BMPR1B: variants seen among roughly 807,000 people sequenced by gnomAD.
BMPR1B encodes bone morphogenetic protein receptor type 1B.
In BMPR1B, 12 loss-of-function variants were observed where a neutral mutation model predicts 59.1. The ratio of observed to expected loss-of-function variants is 0.20; its 90% CI spans 0.13 to 0.33. BMPR1B has a LOEUF of 0.33. BMPR1B is among the 10% of genes least tolerant of loss of function. The pLI is 1.00. For missense variants in BMPR1B, 550 were observed against 610.9 expected (o/e 0.90, Z 1.05); for synonymous variants, 237 against 207.3 (o/e 1.14, Z -1.23).
chr4:94,859,676 T>C (rs1304651830), intron 1 of BMPR1B, among the ~76,000 whole-genome samples: 1 of 151,938 alleles, frequency 6.6e-6, no homozygotes, highest in Admixed American at 6.6e-5. Flanking sequence ...CCAGGTAGCA[T>C]AAAGATGATG....
At chr4:94,778,082 C>T (rs1292540505) in intron 1 of BMPR1B, among the ~76,000 whole-genome samples, 14 of 151,978 alleles carry the variant, frequency 9.2e-5, no homozygotes, top group Non-Finnish European at 1.8e-4. Context: ...TAATTCTTCT[C>T]TTAAAGGATA....
chr4:94,870,560 T>G (rs1337359154), intron 1 of BMPR1B, among the ~76,000 whole-genome samples: 1 of 152,220 alleles, frequency 6.6e-6, no homozygotes, highest in Admixed American at 6.5e-5. Context: ...TCTTGCTCAT[T>G]TCATTATGCC....
rs188833993 is a variant in BMPR1B at position 94,800,459 on chromosome 4, T to A, written c.-183+42391T>A. On this transcript the variant is annotated intron_variant, in intron 1 of 12. Coordinates refer to ENST00000515059, the MANE Select transcript of BMPR1B (RefSeq NM_001203.3). The stretch of plus-strand genomic sequence containing the variant: ...TAGGGTCTTTACTATTTTTTTTTTT[T>A]TTTTTTTTGGTCAGCAAGTGGCCTT... Among the ~76,000 whole-genome samples, 1,498 of 151,054 alleles carry A rather than the reference T, an allele frequency of 9.9e-3. 7 individuals carry two copies. Among genetic ancestry groups the A allele is most frequent in the Non-Finnish European group, 0.016 (1,061 of 67,782 alleles).
At chr4:94,817,519 T>C (rs1724054864) in intron 1 of BMPR1B, among the ~76,000 whole-genome samples, 1 of 152,200 alleles carries the variant, frequency 6.6e-6, no homozygotes, top group South Asian at 2.1e-4. Flanking sequence ...AGCCTCCTTT[T>C]TTTTTTCTTG....
At chr4:94,865,096 A>G (rs113941204) in intron 1 of BMPR1B, among the ~76,000 whole-genome samples, 5,718 of 148,328 alleles carry the variant, frequency 0.039, 351 homozygotes, top group African/African-American at 0.13. Flanking sequence ...TGCAACCTCC[A>G]CCTCCTGGGT....
At chr4:94,789,290 A>C (rs1261509925) in intron 1 of BMPR1B, among the ~76,000 whole-genome samples, 2 of 152,192 alleles carry the variant, frequency 1.3e-5, no homozygotes, top group Non-Finnish European at 2.9e-5. Context: ...ACGACTGTGG[A>C]ATGGTCAACG....
intron 1 of BMPR1B, among the ~76,000 whole-genome samples, chr4:94,847,378 A>G (rs751099405): frequency 6.6e-6 from 1 of 152,236 alleles, no homozygotes; most frequent in Admixed American, 6.5e-5. Context: ...CAGTGTGAAG[A>G]TTCCTGACAA....
chr4:94,916,524 G>T (rs1728489322), intron 2 of BMPR1B, among the ~76,000 whole-genome samples: 1 of 152,184 alleles, frequency 6.6e-6, no homozygotes, highest in African/African-American at 2.4e-5. Context: ...ATGACCTAGG[G>T]TATCTGAAAG....
intron 3 of BMPR1B, among the ~76,000 whole-genome samples, chr4:95,062,218 C>T (rs1272398546): frequency 1.3e-5 from 2 of 152,092 alleles, no homozygotes; most frequent in Non-Finnish European, 2.9e-5. Context: ...GGTTACAAAA[C>T]ATTCCCTACC....
chr4:94,931,063 A>G (rs944679573), intron 2 of BMPR1B, among the ~76,000 whole-genome samples: 18 of 152,238 alleles, frequency 1.2e-4, no homozygotes, highest in South Asian at 2.1e-4. Context: ...TGAAACTACT[A>G]TAACAGTTTC....
intron 10 of BMPR1B, among the ~76,000 whole-genome samples, chr4:95,134,695 G>A (rs188267875): frequency 0.015 from 2,282 of 152,178 alleles, 33 homozygotes; most frequent in Non-Finnish European, 0.021. Flanking sequence ...CATATCCTTC[G>A]CCCACTTTTT....
At chr4:94,779,867 T>C (rs1278732803) in intron 1 of BMPR1B, among the ~76,000 whole-genome samples, 2 of 152,120 alleles carry the variant, frequency 1.3e-5, no homozygotes, top group African/African-American at 2.4e-5. Flanking sequence ...TGTTCTCTTA[T>C]ATTCCTAATA....
intron 2 of BMPR1B, among the ~76,000 whole-genome samples, chr4:94,901,016 A>G (rs1249216085): frequency 3.3e-5 from 5 of 151,982 alleles, no homozygotes; most frequent in Non-Finnish European, 7.4e-5. Flanking sequence ...TGATGGTTCC[A>G]ACCCTGGAAC....
Position 95,103,998 on chromosome 4 carries a change from G to GCTCTATA in BMPR1B, c.-17-410_-17-409insCTCTATA, listed in dbSNP as rs1353983009. ...TGAAACAATTTGAGTTTAAATGCTG[G>GCTCTATA]GTCTATAGTCTATCCATTATCTGTG... On this transcript the variant is annotated intron_variant, in intron 3 of 12. Coordinates refer to ENST00000515059, the MANE Select transcript of BMPR1B (RefSeq NM_001203.3). Among the ~76,000 whole-genome samples the GCTCTATA allele has an allele frequency of 1.6e-4, 24 of 152,090 alleles. 4 individuals are homozygous for GCTCTATA. The highest frequency in any genetic ancestry group is 3.4e-3 in the Middle Eastern group (1 of 294).
chr4:94,981,024 A>AC (rs1560578257), intron 2 of BMPR1B, among the ~76,000 whole-genome samples: 135 of 45,978 alleles, frequency 2.9e-3, no homozygotes, highest in African/African-American at 7.0e-3. Flanking sequence ...CACACACACA[A>AC]AAAGTAGAAG....
At chr4:94,773,276 A>G (rs1722252304) in intron 1 of BMPR1B, among the ~76,000 whole-genome samples, 1 of 152,144 alleles carries the variant, frequency 6.6e-6, no homozygotes, top group South Asian at 2.1e-4. Flanking sequence ...AGTAGCATAT[A>G]TCATTAGTTC....
chr4:94,983,706 G>A (rs1252179186), intron 2 of BMPR1B, among the ~76,000 whole-genome samples: 1 of 152,184 alleles, frequency 6.6e-6, no homozygotes, highest in East Asian at 1.9e-4. Context: ...TCTGGTTAAC[G>A]TCTCCTATTT....
At chr4:94,865,670 C>G (rs547400303) in intron 1 of BMPR1B, among the ~76,000 whole-genome samples, 1 of 152,138 alleles carries the variant, frequency 6.6e-6, no homozygotes, top group Non-Finnish European at 1.5e-5. Context: ...GGATTACAGG[C>G]GTGAGCCACT....
At chr4:95,016,149 G>A (rs929105837) in intron 3 of BMPR1B, among the ~76,000 whole-genome samples, 12 of 152,204 alleles carry the variant, frequency 7.9e-5, no homozygotes, top group African/African-American at 2.7e-4. Flanking sequence ...GAACTTTCAA[G>A]TAAAAACTGC....
Sources: allele counts gnomAD v4.1 joint callset (sites outside exome capture counted in the v4.1 genomes callset), GRCh38; gene constraint gnomAD v4.1.1; transcripts MANE v1.5; gene names NCBI Gene and HGNC (gene_info 2026-07-23, HGNC 2026-07-21).